Variants in VGLL4 observed in about 807,000 individuals in gnomAD.
VGLL4 encodes the protein transcription cofactor vestigial-like protein 4.
In VGLL4, 7 loss-of-function variants were observed where a neutral mutation model predicts 21.0. The observed-to-expected ratio is 0.33, with a 90% CI of 0.19 to 0.63. The LOEUF is 0.63. VGLL4 is among the 20% of genes least tolerant of loss of function. The pLI is 0.78. For missense variants in VGLL4, 394 were observed against 425.7 expected, an observed-to-expected ratio of 0.93 and a Z score of 0.66; for synonymous variants, 222 against 173.2, an observed-to-expected ratio of 1.28 and a Z score of -2.21.
chr3:11,717,441 G>A (rs983525189), intron 1 of VGLL4, among the ~76,000 whole-genome samples: 2 of 148,382 alleles, frequency 1.3e-5, no homozygotes, highest in Non-Finnish European at 3.0e-5. Context: ...ACCAGAGACT[G>A]GTAACAGGGC....
rs115154629 is a variant in VGLL4 at position 11,601,173 on chromosome 3, G to C, written c.272+660C>G. 4.9e-4 allele frequency among the ~76,000 whole-genome samples: 74 copies of C among 152,344 alleles called. 4 individuals carry two copies. The highest frequency in any genetic ancestry group is 1.7e-3 in the African/African-American group (72 of 41,564). ...ATTCAGGGATCTGTGGTTTCAGCCC[G>C]TGTTTCACAAATAACAAAACTGAGG... On this transcript the variant is annotated intron_variant, in intron 2 of 4. Transcript: ENST00000430365.
intron 2 of VGLL4, among the ~76,000 whole-genome samples, chr3:11,701,260 C>T (rs2076677053): frequency 6.6e-6 from 1 of 152,140 alleles, no homozygotes; most frequent in African/African-American, 2.4e-5. Context: ...AGCCTGGCAC[C>T]TCTTCCTCTT....
At chr3:11,696,882 C>T (rs555170630) in intron 2 of VGLL4, among the ~76,000 whole-genome samples, 2 of 152,184 alleles carry the variant, frequency 1.3e-5, no homozygotes, top group Non-Finnish European at 2.9e-5. Context: ...GGGACCCCGC[C>T]GGGTATGTGC....
chr3:11,632,806 G>C (rs967137828), intron 1 of VGLL4, among the ~76,000 whole-genome samples: 11 of 152,132 alleles, frequency 7.2e-5, no homozygotes, highest in Non-Finnish European at 1.2e-4. Context: ...ATAAAGTCAG[G>C]GATCTTGCTG....
chr3:11,652,670 C>G (rs1318728160), intron 2 of VGLL4, among the ~76,000 whole-genome samples: 2 of 152,184 alleles, frequency 1.3e-5, no homozygotes, highest in Non-Finnish European at 2.9e-5. Flanking sequence ...ATCCGCCCAT[C>G]TCAGCCTCCC....
intron 3 of VGLL4, 123 bp downstream of exon 3, chr3:11,564,674 C>T (rs1003516671): frequency 4.1e-6 from 5 of 1,206,626 alleles, no homozygotes; most frequent in Non-Finnish European, 5.7e-6. Flanking sequence ...CCCTCACCAC[C>T]TCCCTCCCTC....
chr3:11,646,068 G>T (rs2075786180), upstream of VGLL4, among the ~76,000 whole-genome samples: 1 of 152,192 alleles, frequency 6.6e-6, no homozygotes, highest in African/African-American at 2.4e-5. Flanking sequence ...GACATCAGGG[G>T]AAGTAAGTAA....
chr3:11,644,347 C>T (rs1336574653), upstream of VGLL4, among the ~76,000 whole-genome samples: 1 of 152,114 alleles, frequency 6.6e-6, no homozygotes. Context: ...TCCATTTACA[C>T]TTTAACTGGA....
At chr3:11,713,700 G>C (rs2076881692) in intron 1 of VGLL4, among the ~76,000 whole-genome samples, 1 of 151,524 alleles carries the variant, frequency 6.6e-6, no homozygotes, top group Non-Finnish European at 1.5e-5. Context: ...TGAAACCTCT[G>C]CAGGAGGGAG....
chr3:11,700,336 C>T (rs1372083445), intron 2 of VGLL4, among the ~76,000 whole-genome samples: 2 of 152,056 alleles, frequency 1.3e-5, no homozygotes, highest in East Asian at 1.9e-4. Flanking sequence ...TTATTCCTAA[C>T]TAAAGTTGGG....
At chr3:11,708,061 C>G (rs1167301482) in intron 1 of VGLL4, among the ~76,000 whole-genome samples, 2 of 152,154 alleles carry the variant, frequency 1.3e-5, no homozygotes, top group Non-Finnish European at 2.9e-5. Flanking sequence ...TAATATGAAT[C>G]CAGGTAAACC....
At chr3:11,666,431 T>C (rs191723788) in intron 2 of VGLL4, among the ~76,000 whole-genome samples, 1 of 152,046 alleles carries the variant, frequency 6.6e-6, no homozygotes, top group East Asian at 1.9e-4. Context: ...GAGTTCCCAT[T>C]TTAAAGGCCC....
chr3:11,718,760 A>C (rs763131389), intron 1 of VGLL4, among the ~76,000 whole-genome samples: 2 of 152,196 alleles, frequency 1.3e-5, no homozygotes, highest in Non-Finnish European at 2.9e-5. Flanking sequence ...AAAACCCAGC[A>C]GAACCGCCTC....
intron 1 of VGLL4, among the ~76,000 whole-genome samples, chr3:11,641,072 G>C (rs923811040): frequency 4.0e-4 from 58 of 146,390 alleles, no homozygotes; most frequent in African/African-American, 1.3e-3. Context: ...AGCCAAGATC[G>C]CGCCATTGCA....
intron 1 of VGLL4, among the ~76,000 whole-genome samples, chr3:11,635,953 A>G (rs11128561): frequency 1.3e-5 from 2 of 152,184 alleles, no homozygotes; most frequent in Non-Finnish European, 2.9e-5. Flanking sequence ...CAGGAAAATA[A>G]AACAAAGGTT....
chr3:11,658,301 C>T (rs2075985593), intron 2 of VGLL4, among the ~76,000 whole-genome samples: 1 of 152,008 alleles, frequency 6.6e-6, no homozygotes, highest in Non-Finnish European at 1.5e-5. Context: ...TCAGGACTGT[C>T]TACTCCCCAA....
At chr3:11,624,622 C>A (rs1346447174) in intron 1 of VGLL4, among the ~76,000 whole-genome samples, 1 of 152,154 alleles carries the variant, frequency 6.6e-6, no homozygotes, top group Non-Finnish European at 1.5e-5. Flanking sequence ...GCTATACTAT[C>A]TGCTGCCTTC....
At chr3:11,661,458 T>TATTTATTTA (rs1273946690) in intron 2 of VGLL4, among the ~76,000 whole-genome samples, 4 of 149,446 alleles carry the variant, frequency 2.7e-5, no homozygotes, top group African/African-American at 9.7e-5. Context: ...TTTATTTATT[T>TATTTATTTA]ATTTATCTAT....
chr3:11,591,863 C>A (rs2074506861), intron 2 of VGLL4, among the ~76,000 whole-genome samples: 1 of 152,262 alleles, frequency 6.6e-6, no homozygotes, highest in South Asian at 2.1e-4. Flanking sequence ...ACACACACAA[C>A]TGACATACAT....
Sources: gnomAD v4.1 joint callset for allele counts (sites outside exome capture counted in the v4.1 genomes callset) on GRCh38, gnomAD v4.1.1 for gene constraint, MANE v1.5 for transcripts, NCBI Gene and HGNC (gene_info 2026-07-23, HGNC 2026-07-21) for gene names.